SH3KBP1: variants seen among roughly 807,000 people sequenced by gnomAD.
SH3KBP1 encodes SH3 domain-containing kinase-binding protein 1.
SH3KBP1 carries 8 observed loss-of-function variants against 50.1 expected under a neutral mutation model. That is an observed-to-expected ratio of 0.16 (90% CI 0.09 to 0.29). The LOEUF is 0.29. Ranked by LOEUF, SH3KBP1 falls within the 10% of genes least tolerant of loss-of-function variation. The pLI, the probability that SH3KBP1 is intolerant of heterozygous loss-of-function variation, is 1.00. For missense variants in SH3KBP1, 377 were observed against 535.2 expected (o/e 0.70, Z 2.92); for synonymous variants, 227 against 218.6 (o/e 1.04, Z -0.34).
At chrX:19,674,901 A>G (rs1368251747) in intron 6 of SH3KBP1, among the ~76,000 whole-genome samples, 1 of 110,421 alleles carries the variant, frequency 9.1e-6, no homozygotes, top group Admixed American at 9.7e-5. Flanking sequence ...CAACATGGTG[A>G]AACCCCGTCT....
intron 12 of SH3KBP1, among the ~76,000 whole-genome samples, chrX:19,569,919 G>A (rs950028527): frequency 8.9e-6 from 1 of 111,846 alleles, no homozygotes; most frequent in Admixed American, 9.5e-5. Flanking sequence ...TTGGGGGGAT[G>A]AGTCACAAAC....
At chrX:19,604,590 T>C (rs1043138297) in intron 9 of SH3KBP1, among the ~76,000 whole-genome samples, 1 of 112,165 alleles carries the variant, frequency 8.9e-6, no homozygotes, top group African/African-American at 3.2e-5. Context: ...TGACATCTGC[T>C]GACACCAGTG....
chrX:19,718,078 T>C (rs1477723790), intron 3 of SH3KBP1, among the ~76,000 whole-genome samples: 1 of 108,886 alleles, frequency 9.2e-6, no homozygotes, highest in East Asian at 2.9e-4. Context: ...TGAAAAGGTG[T>C]CCATAGTACA....
intron 2 of SH3KBP1, among the ~76,000 whole-genome samples, chrX:19,829,375 G>A (rs1333217872): frequency 1.8e-5 from 2 of 110,493 alleles, no homozygotes; most frequent in African/African-American, 6.6e-5. Context: ...ATTTCCTAGG[G>A]GGAGAGGAAT....
chrX:19,730,626 G>A (rs1270324740), intron 3 of SH3KBP1, among the ~76,000 whole-genome samples: 1 of 111,810 alleles, frequency 8.9e-6, no homozygotes, highest in South Asian at 3.7e-4. Context: ...TCTTCAACAA[G>A]CAAGCTGCAG....
rs767767612 is a variant in SH3KBP1, at chrX:19,590,647, CT to C, written c.1138+1419del. ...GTGTCTGGTTATTTCACATCACACA[CT>C]TTTTTTTTTTTTTTAGACAGGGTCT... is the stretch of plus-strand genomic sequence containing the variant. On this transcript the variant is annotated intron_variant, in intron 11 of 17. Coordinates refer to ENST00000397821, the MANE Select transcript of SH3KBP1 (RefSeq NM_031892.3). 1.3e-3 allele frequency among the ~76,000 whole-genome samples: 128 copies of C among 96,152 alleles called. 1 individual carries two copies. The highest frequency in any genetic ancestry group is 1.5e-3 in the Admixed American group (13 of 8,787). The allele number at this position is 96,152 out of a possible 115,157, so 83.5% of individuals were successfully genotyped here.
At chrX:19,806,689 A>AT (rs750028532) in intron 2 of SH3KBP1, among the ~76,000 whole-genome samples, 2 of 111,845 alleles carry the variant, frequency 1.8e-5, no homozygotes, top group East Asian at 5.6e-4. Flanking sequence ...ACACAGCAGA[A>AT]ATTGGGACGT....
chrX:19,704,828 C>T (rs2063615897), intron 4 of SH3KBP1, among the ~76,000 whole-genome samples: 1 of 112,417 alleles, frequency 8.9e-6, no homozygotes, highest in South Asian at 3.6e-4. Flanking sequence ...TCACAACGTT[C>T]TACTTGGAAA....
chrX:19,539,584 T>A (rs1191712236), intron 16 of SH3KBP1, among the ~76,000 whole-genome samples: 2 of 111,586 alleles, frequency 1.8e-5, no homozygotes, highest in Non-Finnish European at 3.8e-5. Context: ...CCAAAGAAAG[T>A]CACTAAGTCT....
chrX:19,668,546 G>C (rs1343732769), intron 6 of SH3KBP1, among the ~76,000 whole-genome samples: 1 of 106,538 alleles, frequency 9.4e-6, no homozygotes, highest in Non-Finnish European at 1.9e-5. Context: ...GCATATTCAG[G>C]CTCAAAAAAA....
intron 9 of SH3KBP1, among the ~76,000 whole-genome samples, chrX:19,595,591 T>G (rs1474851811): frequency 2.1e-5 from 2 of 94,319 alleles, no homozygotes; most frequent in South Asian, 4.3e-4. Flanking sequence ...TTTTGGTTTG[T>G]TTTTTTTTTT....
chrX:19,565,981 G>A (rs1228439858), intron 13 of SH3KBP1, among the ~76,000 whole-genome samples: 1 of 106,031 alleles, frequency 9.4e-6, no homozygotes, highest in Non-Finnish European at 1.9e-5. Flanking sequence ...CTGGAGTACA[G>A]TGGTGTGATC....
chrX:19,788,294 A>AAAC, intron 2 of SH3KBP1, among the ~76,000 whole-genome samples: 1 of 107,997 alleles, frequency 9.3e-6, no homozygotes, highest in African/African-American at 3.4e-5. Flanking sequence ...AACAAAAAAA[A>AAAC]AAAACACAAA....
At chrX:19,790,090 CT>C (rs1288381089) in intron 2 of SH3KBP1, among the ~76,000 whole-genome samples, 3 of 103,247 alleles carry the variant, frequency 2.9e-5, no homozygotes, top group African/African-American at 1.1e-4. Context: ...TAGCTTCCAC[CT>C]TCCAGGACAC....
intron 9 of SH3KBP1, 109 bp from the exon 10 acceptor site, chrX:19,595,109 C>A: frequency 3.5e-6 from 2 of 573,623 alleles, no homozygotes; most frequent in South Asian, 2.9e-5. Context: ...ATTTAGAGAA[C>A]CTCTCCAAAA....
At chrX:19,659,032 C>T (rs761821929) in intron 6 of SH3KBP1, among the ~76,000 whole-genome samples, 21 of 107,807 alleles carry the variant, frequency 1.9e-4, no homozygotes, top group Non-Finnish European at 3.5e-4. Context: ...CATAGCTCAC[C>T]GCAGCCTTGA....
At chrX:19,694,226 A>G (rs1332124669) in intron 5 of SH3KBP1, among the ~76,000 whole-genome samples, 1 of 112,505 alleles carries the variant, frequency 8.9e-6, no homozygotes, top group East Asian at 2.8e-4. Flanking sequence ...TGTCCCTGAC[A>G]TAGAGTATTG....
intron 17 of SH3KBP1, among the ~76,000 whole-genome samples, chrX:19,537,093 C>T (rs2147487444): frequency 9.0e-6 from 1 of 111,512 alleles, no homozygotes; most frequent in Admixed American, 9.5e-5. Flanking sequence ...CCCCTGGAGC[C>T]ATAGTGACCA....
intron 13 of SH3KBP1, among the ~76,000 whole-genome samples, chrX:19,555,009 T>C (rs941145324): frequency 4.4e-5 from 5 of 112,806 alleles, no homozygotes; most frequent in Admixed American, 9.4e-5. Flanking sequence ...TTTCCATGAC[T>C]AACCCATTGT....
Sources: gnomAD v4.1 joint callset for allele counts (sites outside exome capture counted in the v4.1 genomes callset) on GRCh38, gnomAD v4.1.1 for gene constraint, MANE v1.5 for transcripts, NCBI Gene and HGNC (gene_info 2026-07-23, HGNC 2026-07-21) for gene names.